The following DSC2 variants were observed in gnomAD, a reference collection of about 807,000 sequenced individuals.
DSC2 encodes desmocollin 2.
Under a neutral mutation model 87.6 loss-of-function variants are expected in DSC2, and 51 were observed. That is an observed-to-expected ratio of 0.58 (90% CI 0.46 to 0.74). DSC2 has a LOEUF of 0.74. DSC2 is among the 30% of genes least tolerant of loss of function. The pLI is 0.00. For synonymous variants in DSC2, 383 were observed against 393.2 expected, an observed-to-expected ratio of 0.97 and a Z score of 0.31; for missense variants, 1,066 against 1,089.5, an observed-to-expected ratio of 0.98 and a Z score of 0.30.
At chr18:31,092,627 T>C (rs142709756) in intron 2 of DSC2, among the ~76,000 whole-genome samples, 1 of 152,162 alleles carries the variant, frequency 6.6e-6, no homozygotes, top group Non-Finnish European at 1.5e-5. Flanking sequence ...AACACCTAAA[T>C]ACACCTGAAG....
chr18:31,070,389 C>T (rs1277429660), intron 14 of DSC2, among the ~76,000 whole-genome samples: 5 of 151,978 alleles, frequency 3.3e-5, no homozygotes, highest in Admixed American at 1.3e-4. Context: ...GTTGGTAAAC[C>T]GTGAATAATT....
rs551686684 is a variant in DSC2, at chr18:31,096,299, C to T, written c.70-2656G>A. Reference sequence around the variant, plus strand: ...GAGCTAACAAAATAGCAAGCAATTGCTAGGCCAAAACTGAAGATAAAGCTG... The same window carrying T: ...GAGCTAACAAAATAGCAAGCAATTGTTAGGCCAAAACTGAAGATAAAGCTG... On this transcript the variant is annotated intron_variant, in intron 1 of 15. Coordinates refer to ENST00000280904, the MANE Select transcript of DSC2 (RefSeq NM_024422.6). Among the ~76,000 whole-genome samples, 4 of 152,260 alleles carry T rather than the reference C, an allele frequency of 2.6e-5. No homozygotes were observed. In the South Asian group the frequency reaches 8.3e-4, roughly 32 times the overall value.
intron 1 of DSC2, among the ~76,000 whole-genome samples, chr18:31,096,281 C>T (rs1987757852): frequency 6.6e-6 from 1 of 152,082 alleles, no homozygotes. Context: ...AAAGAGCTAA[C>T]AAAATAGCAA....
In DSC2 at chr18:31,060,615, T is replaced by C. The variant is rs1428552566; in HGVS notation, c.*7400A>G. Reference sequence around the variant, plus strand: ...TTGTTCCACCTGCTGTTGACCTTTCTAGTTCTATTTATCTCTGGAGATTTG... The same window carrying C: ...TTGTTCCACCTGCTGTTGACCTTTCCAGTTCTATTTATCTCTGGAGATTTG... On this transcript the variant is annotated 3_prime_UTR_variant, in exon 16 of 16. Transcript: ENST00000280904. 6.6e-6 allele frequency: 1 copy of C among 152,212 alleles called. No individual in the cohort carries two copies. The highest frequency in any genetic ancestry group is 2.4e-5 in the African/African-American group (1 of 41,450). 9.4% of individuals were successfully genotyped at this position (152,212 alleles called of 1,614,324 possible).
intron 1 of DSC2, among the ~76,000 whole-genome samples, chr18:31,100,742 C>T (rs536899821): frequency 2.0e-5 from 3 of 152,190 alleles, no homozygotes; most frequent in East Asian, 1.9e-4. Flanking sequence ...AGGAATTAGC[C>T]TTCCGGGTTC....
In DSC2 at chr18:31,089,576, G is replaced by C; in HGVS notation, c.493C>G (p.Gln165Glu). The C allele has an allele frequency of 6.2e-7, 1 of 1,613,772 alleles. No homozygotes were observed. Among genetic ancestry groups the C allele is most frequent in the Non-Finnish European group, 8.5e-7 (1 of 1,179,866 alleles). Residue 165 changes from glutamine (Q) to glutamate (E), a missense_variant, in exon 5 of 16, where the codon CAA becomes GAA. By Grantham distance (29) the Gln-to-Glu change is conservative. Coordinates refer to ENST00000280904, the MANE Select transcript of DSC2 (RefSeq NM_024422.6). ...FLQQVQSDTA[Q>E]NYTIYYSIRG... ...ATGGAATAGTATATGGTATAGTTTT[G>C]GGCCGTGTCAGATTGAACCTAGAAA...
At chr18:31,090,915 C>T in intron 4 of DSC2, 113 bp downstream of exon 4, 1 of 1,410,022 alleles carries the variant, frequency 7.1e-7, no homozygotes, top group African/African-American at 1.4e-5. Flanking sequence ...TATACACATA[C>T]TCATTCACTC....
chr18:31,074,384 A>G (rs1986932420), intron 12 of DSC2, among the ~76,000 whole-genome samples: 2 of 151,872 alleles, frequency 1.3e-5, no homozygotes, highest in African/African-American at 4.8e-5. Flanking sequence ...ACTGCATTAG[A>G]CCAAGTCTAA....
chr18:31,072,685 G>T (rs989760811), intron 12 of DSC2, among the ~76,000 whole-genome samples: 2 of 152,114 alleles, frequency 1.3e-5, no homozygotes, highest in Non-Finnish European at 2.9e-5. Flanking sequence ...TTGGAGACTA[G>T]ATATACTACT....
chr18:31,089,494 G>A lies in DSC2; in HGVS notation c.575C>T (p.Thr192Ile), dbSNP rs2144838831. ...AGGACGAGTACAATACAAGTTTCCA[G>A]TGTCTCTCTCCACATAAAATAAATT... ...PRNLFYVERDTGNLYCTRPVD... is the reference protein window; with the variant it reads ...PRNLFYVERDIGNLYCTRPVD... The change falls in exon 5 of 16, where the codon ACT becomes ATT. Residue 192 changes from threonine (T) to isoleucine (I), a missense_variant. Thr to Ile is a moderately conservative substitution (Grantham distance 89, BLOSUM62 -1). Transcript: ENST00000280904. 1 of 1,614,008 alleles carries A rather than the reference G, an allele frequency of 6.2e-7. No individual in the cohort carries two copies. The highest frequency in any genetic ancestry group is 8.5e-7 in the Non-Finnish European group (1 of 1,179,968).
intron 7 of DSC2, among the ~76,000 whole-genome samples, chr18:31,083,774 A>T (rs1987309942): frequency 6.6e-6 from 1 of 152,198 alleles, no homozygotes; most frequent in South Asian, 2.1e-4. Flanking sequence ...TTGAAAACTC[A>T]TCACTACCTT....
intron 3 of DSC2, among the ~76,000 whole-genome samples, chr18:31,091,376 T>C (rs1987592184): frequency 6.6e-6 from 1 of 151,798 alleles, no homozygotes; most frequent in Admixed American, 6.6e-5. Context: ...GGTGGAAATA[T>C]GGAAGAAAGA....
intron 7 of DSC2, among the ~76,000 whole-genome samples, chr18:31,085,811 C>T (rs1987376330): frequency 6.6e-6 from 1 of 151,972 alleles, no homozygotes; most frequent in African/African-American, 2.4e-5. Flanking sequence ...GACACAGAAA[C>T]TGCTATAAGA....
rs1156768702 is a variant in DSC2, at chr18:31,060,273, T to C, written c.*7742A>G. On this transcript the variant is annotated 3_prime_UTR_variant, in exon 16 of 16. Coordinates refer to ENST00000280904, the MANE Select transcript of DSC2 (RefSeq NM_024422.6). ...GATAAATCCCTTTTACTTGATTTCA[T>C]TGGTAATTCTGCATCACATCTTGTG... 1 of 122,590 alleles carries C rather than the reference T, an allele frequency of 8.2e-6. No homozygotes were observed. The highest frequency in any genetic ancestry group is 1.8e-5 in the Non-Finnish European group (1 of 56,112). The allele number at this position is 122,590 out of a possible 1,614,324, so 7.6% of individuals were successfully genotyped here.
chr18:31,102,063 C>A lies in DSC2; in HGVS notation c.-92G>T, dbSNP rs1987984146. ...GGCCGCGGCCGGAGCGCAGTCTGGGCCCGCTGCTCAGGAGGAGCGCGAGGC... is the reference window on the plus strand; with the variant it reads ...GGCCGCGGCCGGAGCGCAGTCTGGGACCGCTGCTCAGGAGGAGCGCGAGGC... On this transcript the variant is annotated 5_prime_UTR_variant, in exon 1 of 16. Transcript: ENST00000280904. 3.5e-6 allele frequency: 4 copies of A among 1,157,298 alleles called. No homozygotes were observed. Among genetic ancestry groups the A allele is most frequent in the Non-Finnish European group, 4.6e-6 (4 of 878,410 alleles). The allele number at this position is 1,157,298 out of a possible 1,614,324, so 71.7% of individuals were successfully genotyped here. A position where few individuals can be genotyped will look rare whatever the true frequency, so the allele number is the denominator to read the frequency against.
rs1555637547 is a variant in DSC2, at chr18:31,071,596, A to C, written c.2125+9T>G. On this transcript the variant is annotated intron_variant, in intron 13 of 15. Transcript: ENST00000280904. ...ATTATTTGAATTCAAGAAAGGACTT[A>C]AGACTTACAAAAGAGCAATGCTATG... 2 of 1,610,984 alleles carry C rather than the reference A, an allele frequency of 1.2e-6. No homozygotes were observed. The highest frequency in any genetic ancestry group is 1.7e-6 in the Non-Finnish European group (2 of 1,177,148).
rs1274550136 is a variant in DSC2, at chr18:31,093,885, A to ACAT, written c.70-245_70-243dup. Among the ~76,000 whole-genome samples the ACAT allele has an allele frequency of 2.0e-5, 3 of 150,926 alleles. No individual in the cohort carries two copies. The East Asian group carries it at 5.8e-4, about 29-fold the overall frequency. Reference sequence around the variant, plus strand: ...TGTGATTTATGTTATTATAAATAAAACATAAATAAAATATTGGAGATAAAA... The same window carrying ACAT: ...TGTGATTTATGTTATTATAAATAAAACATCATAAATAAAATATTGGAGATAAAA... On this transcript the variant is annotated intron_variant, in intron 1 of 15. Coordinates refer to ENST00000280904, the MANE Select transcript of DSC2 (RefSeq NM_024422.6).
chr18:31,071,797 A>AG lies in DSC2; in HGVS notation c.1932dup (p.Ser645LeufsTer11), dbSNP rs1448467079. On this transcript the variant is annotated frameshift_variant, in exon 13 of 16. Transcript: ENST00000280904. LOFTEE classifies it high-confidence loss of function. ...CTCACTGTTATAGGTACTACATATG[A>AG]GCCAAATGGAGGATCATTCTGATAG... The AG allele has an allele frequency of 6.2e-7, 1 of 1,614,038 alleles. No homozygotes were observed. The highest frequency in any genetic ancestry group is 8.5e-7 in the Non-Finnish European group (1 of 1,179,956).
intron 1 of DSC2, among the ~76,000 whole-genome samples, chr18:31,099,611 G>A (rs550828500): frequency 6.6e-6 from 1 of 152,156 alleles, no homozygotes; most frequent in African/African-American, 2.4e-5. Flanking sequence ...AGGCGGGGGG[G>A]AGTGAATGTC....
Sources: allele counts gnomAD v4.1 joint callset (sites outside exome capture counted in the v4.1 genomes callset), GRCh38; gene constraint gnomAD v4.1.1; transcripts MANE v1.5; gene names NCBI Gene and HGNC (gene_info 2026-07-23, HGNC 2026-07-21).